BTK: variants seen among roughly 807,000 people sequenced by gnomAD.
BTK encodes tyrosine-protein kinase BTK.
Under a neutral mutation model 57.4 loss-of-function variants are expected in BTK, and 5 were observed. That is an observed-to-expected ratio of 0.09 (90% CI 0.05 to 0.18). The LOEUF (loss-of-function observed/expected upper bound fraction) is 0.18, where lower values mean the gene tolerates loss of function less well. BTK is among the 10% of genes least tolerant of loss of function. The pLI, the probability that BTK is intolerant of heterozygous loss-of-function variation, is 1.00. For synonymous variants in BTK, 154 were observed against 174.3 expected (o/e 0.88, Z 0.92); for missense variants, 194 against 501.2 (o/e 0.39, Z 5.85).
In BTK at chrX:101,358,710, AAAG is replaced by A; in HGVS notation, c.895-17_895-15del. On this transcript the variant is annotated splice_polypyrimidine_tract_variant and intron_variant, in intron 10 of 18. Transcript: ENST00000308731. ...TCCTTCTTTCCCCTGAAACAACGAA[AAAG>A]AAGCTGTCTGTAGGAGGAAGTGGTG... 1 of 1,194,130 alleles carries A rather than the reference AAAG, an allele frequency of 8.4e-7. No homozygotes were observed. Among genetic ancestry groups the A allele is most frequent in the Non-Finnish European group, 1.1e-6 (1 of 879,564 alleles).
At chrX:101,355,922 T>G (rs919845004) in intron 15 of BTK, 130 bp downstream of exon 15, 8 of 704,916 alleles carry the variant, frequency 1.1e-5, no homozygotes, top group African/African-American at 1.1e-4. Context: ...CACGCCTAAC[T>G]TATAGTACTT....
At chrX:101,354,194 T>A (rs1555977528) in intron 16 of BTK, 1 of 438,261 alleles carries the variant, frequency 2.3e-6, no homozygotes, top group African/African-American at 2.5e-5. Flanking sequence ...ACAATATGGT[T>A]ACAAGAAGGA....
chrX:101,378,858 C>T (rs903758696), intron 1 of BTK, among the ~76,000 whole-genome samples: 1 of 111,006 alleles, frequency 9.0e-6, no homozygotes, highest in Non-Finnish European at 1.9e-5. Context: ...CTCTTATCTT[C>T]GCTCATAAGA....
chrX:101,354,677 C>T lies in BTK; in HGVS notation c.1584G>A (p.Leu528=). ...CTTTAACAACTCCTTGATCGTTTAC[C>T]AAACAGTTTCGAGCTGCCTGTAGTG... is the stretch of plus-strand genomic sequence containing the variant. The part of the protein sequence containing the change: ...LHRDLAARNC[L]VNDQGVVKVS... The change falls in exon 16 of 19, where the codon TTG becomes TTA. Residue 528 remains leucine (L), a synonymous_variant. Transcript: ENST00000308731. 8.3e-7 allele frequency: 1 copy of T among 1,211,354 alleles called. No homozygotes were observed. The highest frequency in any genetic ancestry group is 2.2e-5 in the Admixed American group (1 of 45,950).
At chrX:101,373,372 C>T (rs868955898) in intron 3 of BTK, among the ~76,000 whole-genome samples, 3 of 111,506 alleles carry the variant, frequency 2.7e-5, no homozygotes, top group Middle Eastern at 9.3e-3. Context: ...GTAGACAAAC[C>T]GAATGTGTAA....
intron 3 of BTK, among the ~76,000 whole-genome samples, chrX:101,373,470 T>C (rs782448702): frequency 1.8e-5 from 2 of 112,141 alleles, no homozygotes; most frequent in Non-Finnish European, 1.9e-5. Context: ...ATATCTATTG[T>C]CATGGGGAAA....
chrX:101,350,001 G>T, intron 18 of BTK, 45 bp from the exon 19 acceptor site: 1 of 976,533 alleles, frequency 1.0e-6, no homozygotes, highest in Non-Finnish European at 1.5e-6. Context: ...CTAGAATCCA[G>T]AATTCAAGGG....
chrX:101,388,862 A>G (rs1274954694), upstream of BTK, among the ~76,000 whole-genome samples: 1 of 111,866 alleles, frequency 8.9e-6, no homozygotes, highest in African/African-American at 3.3e-5. Context: ...GTAACATGCC[A>G]CTTACTCTGC....
At chrX:101,379,156 CA>C (rs782474716) in intron 1 of BTK, among the ~76,000 whole-genome samples, 5 of 75,152 alleles carry the variant, frequency 6.7e-5, no homozygotes, top group Admixed American at 1.6e-4. Flanking sequence ...CCTGGAGTCT[CA>C]AAAAAAAAAT....
At chrX:101,374,440 G>C (rs1287827842) in intron 3 of BTK, 96 bp downstream of exon 3, 2 of 716,304 alleles carry the variant, frequency 2.8e-6, no homozygotes. Flanking sequence ...CGTGTTCCAC[G>C]TTGCACAGCA....
At chrX:101,371,804 T>G (rs1927041695) in intron 3 of BTK, 103 bp from the exon 4 acceptor site, 1 of 665,596 alleles carries the variant, frequency 1.5e-6, no homozygotes, top group Admixed American at 2.3e-5. Flanking sequence ...AAGTTTCTCC[T>G]GCACAGACAA....
chrX:101,361,718 A>AC (rs781958881), intron 7 of BTK, among the ~76,000 whole-genome samples: 3 of 110,433 alleles, frequency 2.7e-5, no homozygotes, highest in Non-Finnish European at 5.7e-5. Context: ...ACATGGTGAC[A>AC]CCCCCATCTC....
chrX:101,370,178 G>A (rs968403033), intron 4 of BTK, 99 bp from the exon 5 acceptor site: 18 of 713,748 alleles, frequency 2.5e-5, no homozygotes, highest in Non-Finnish European at 4.0e-5. Context: ...TATATTTATT[G>A]TAGAAAACAA....
chrX:101,371,876 C>T lies in BTK; in HGVS notation c.241-175G>A, dbSNP rs3027629. Among the ~76,000 whole-genome samples, 25,876 of 110,978 alleles carry T rather than the reference C, an allele frequency of 0.23. 2,365 individuals are homozygous for T. Among genetic ancestry groups the T allele is most frequent in the African/African-American group, 0.31 (9,343 of 30,458 alleles). ...GGGACACATATCCAATACGACCCAA[C>T]ACATACCCAGTCAAGAGAGACTCAG... On this transcript the variant is annotated intron_variant, in intron 3 of 18. Coordinates refer to ENST00000308731, the MANE Select transcript of BTK (RefSeq NM_000061.3).
At chrX:101,390,353 A>G (rs1388925142), upstream of BTK, 6 of 439,662 alleles carry the variant, frequency 1.4e-5, no homozygotes, top group Middle Eastern at 4.1e-4. Context: ...GTCACTTTTC[A>G]GAACCTAGAG....
rs1926206184 is a variant in BTK, at chrX:101,349,625, T to C, written c.*260A>G. The C allele has an allele frequency of 2.8e-6, 1 of 358,846 alleles. No individual in the cohort carries two copies. The highest frequency in any genetic ancestry group is 4.9e-6 in the Non-Finnish European group (1 of 205,943). 29.6% of individuals were successfully genotyped at this position (358,846 alleles called of 1,213,427 possible). On this transcript the variant is annotated 3_prime_UTR_variant, in exon 19 of 19. Coordinates refer to ENST00000308731, the MANE Select transcript of BTK (RefSeq NM_000061.3). ...GTGCGGCTATTTACATCCTCCCTCC[T>C]AAAAAATATTTTCATCGCAAATTCA... is the stretch of plus-strand genomic sequence containing the variant.
chrX:101,356,867 T>C lies in BTK; in HGVS notation c.1266A>G (p.Arg422=), dbSNP rs1718818732. The change falls in exon 14 of 19, where the codon AGA becomes AGG. Residue 422 remains arginine, a synonymous_variant. Transcript: ENST00000308731. ...TCTTGATGGCCACGTCGTACTGGCCTCTCCATTTCCCATACTTCACTACCC... is the reference window on the plus strand; with the variant it reads ...TCTTGATGGCCACGTCGTACTGGCCCCTCCATTTCCCATACTTCACTACCC... ...QFGVVKYGKW[R]GQYDVAIKMI... The C allele has an allele frequency of 8.3e-7, 1 of 1,209,652 alleles. No homozygotes were observed. Among genetic ancestry groups the C allele is most frequent in the Admixed American group, 2.2e-5 (1 of 45,683 alleles).
chrX:101,389,324 G>A (rs1927712581), upstream of BTK, among the ~76,000 whole-genome samples: 1 of 111,494 alleles, frequency 9.0e-6, no homozygotes, highest in African/African-American at 3.3e-5. Flanking sequence ...AGATATGATA[G>A]AAAGAACTAA....
intron 6 of BTK, 102 bp from the exon 7 acceptor site, chrX:101,362,342 G>T (rs1039640706): frequency 1.1e-4 from 119 of 1,054,175 alleles, no homozygotes; most frequent in Non-Finnish European, 3.6e-5. Flanking sequence ...GTGCCTTTAG[G>T]CAAGTTAGAA....
Sources: allele counts gnomAD v4.1 joint callset (sites outside exome capture counted in the v4.1 genomes callset), GRCh38; gene constraint gnomAD v4.1.1; transcripts MANE v1.5; gene names NCBI Gene and HGNC (gene_info 2026-07-23, HGNC 2026-07-21).